GRID1: variants seen among roughly 807,000 people sequenced by gnomAD.
GRID1 encodes glutamate receptor ionotropic, delta-1.
Under a neutral mutation model 98.0 loss-of-function variants are expected in GRID1, and 28 were observed. The observed-to-expected ratio is 0.29, with a 90% CI of 0.21 to 0.39. The LOEUF (loss-of-function observed/expected upper bound fraction) is 0.39. GRID1 is among the 10% of genes least tolerant of loss of function. GRID1 has a pLI of 1.00. For missense variants in GRID1, 1,111 were observed against 1,340.5 expected (o/e 0.83, Z 2.67); for synonymous variants, 553 against 538.5 (o/e 1.03, Z -0.37).
intron 4 of GRID1, among the ~76,000 whole-genome samples, chr10:86,017,770 T>C (rs565075727): frequency 3.3e-4 from 50 of 152,306 alleles, no homozygotes; most frequent in African/African-American, 1.2e-3. Context: ...GTTCTGAGCA[T>C]GTTGCAGGTA....
At chr10:85,708,808 T>G (rs76864781) in intron 12 of GRID1, 5,041 of 154,418 alleles carry the variant, frequency 0.033, 126 homozygotes, top group Middle Eastern at 0.046. Context: ...GTTTCAGATA[T>G]TTTGGAGGAT....
intron 4 of GRID1, among the ~76,000 whole-genome samples, chr10:86,052,295 A>T (rs1001175794): frequency 4.6e-5 from 7 of 152,226 alleles, no homozygotes; most frequent in African/African-American, 1.7e-4. Flanking sequence ...CCTCTAAAAA[A>T]TTAATAATAT....
intron 5 of GRID1, among the ~76,000 whole-genome samples, chr10:85,873,410 T>C (rs1352200014): frequency 6.6e-6 from 1 of 152,260 alleles, no homozygotes; most frequent in Non-Finnish European, 1.5e-5. Flanking sequence ...CATACACAGA[T>C]GCTCACTGAG....
At chr10:85,660,882 T>C (rs1161914913) in intron 12 of GRID1, among the ~76,000 whole-genome samples, 2 of 152,074 alleles carry the variant, frequency 1.3e-5, no homozygotes, top group African/African-American at 4.8e-5. Flanking sequence ...CTCTACGTCT[T>C]GCTAGCTCTG....
At chr10:86,362,818 G>A (rs1408869480) in intron 2 of GRID1, among the ~76,000 whole-genome samples, 1 of 152,246 alleles carries the variant, frequency 6.6e-6, no homozygotes, top group African/African-American at 2.4e-5. Context: ...AGGACTCTCG[G>A]CTCAACGGGC....
intron 4 of GRID1, among the ~76,000 whole-genome samples, chr10:85,921,151 T>G (rs7897266): frequency 0.13 from 20,131 of 152,234 alleles, 1,544 homozygotes; most frequent in East Asian, 0.22. Context: ...ATGGTGGTAC[T>G]GGCACATGAG....
intron 4 of GRID1, among the ~76,000 whole-genome samples, chr10:86,031,900 G>A (rs1189940330): frequency 6.6e-6 from 1 of 152,108 alleles, no homozygotes; most frequent in Non-Finnish European, 1.5e-5. Flanking sequence ...TGTTCCCTCT[G>A]CCTAAATGTT....
At chr10:85,742,088 T>G (rs565742442) in intron 8 of GRID1, among the ~76,000 whole-genome samples, 4 of 152,358 alleles carry the variant, frequency 2.6e-5, no homozygotes, top group Admixed American at 6.5e-5. Context: ...ATATTGAAAC[T>G]GTGAAAAGCA....
chr10:85,635,368 A>T (rs1426180862), intron 13 of GRID1, among the ~76,000 whole-genome samples: 1 of 152,154 alleles, frequency 6.6e-6, no homozygotes, highest in Non-Finnish European at 1.5e-5. Context: ...AACTGGCTCT[A>T]GTAAGACTGA....
At chr10:85,834,943 CA>C (rs200665644) in intron 8 of GRID1, among the ~76,000 whole-genome samples, 2 of 149,718 alleles carry the variant, frequency 1.3e-5, no homozygotes, top group East Asian at 2.0e-4. Context: ...ATGCTGTTTG[CA>C]AAAAAAAAGT....
At chr10:86,314,897 A>T (rs1847877906) in intron 2 of GRID1, among the ~76,000 whole-genome samples, 1 of 152,158 alleles carries the variant, frequency 6.6e-6, no homozygotes, top group African/African-American at 2.4e-5. Context: ...TCACAGAGCC[A>T]CCAAGGCTTT....
At chr10:85,940,423 C>T (rs1312336740) in intron 4 of GRID1, among the ~76,000 whole-genome samples, 1 of 152,142 alleles carries the variant, frequency 6.6e-6, no homozygotes, top group Non-Finnish European at 1.5e-5. Flanking sequence ...TGCAGACCCC[C>T]AGAGCTGCTG....
At chr10:85,909,376 T>C (rs1241727158) in intron 5 of GRID1, among the ~76,000 whole-genome samples, 1 of 152,136 alleles carries the variant, frequency 6.6e-6, no homozygotes, top group African/African-American at 2.4e-5. Context: ...ACCATAGGGG[T>C]TGGCAATTCC....
At chr10:86,287,629 C>T (rs563038957) in intron 2 of GRID1, among the ~76,000 whole-genome samples, 2 of 152,194 alleles carry the variant, frequency 1.3e-5, no homozygotes, top group Non-Finnish European at 2.9e-5. Flanking sequence ...CAGGAGAGGG[C>T]TGGTTGTGCC....
intron 4 of GRID1, among the ~76,000 whole-genome samples, chr10:86,082,414 AG>A: frequency 6.6e-6 from 1 of 152,240 alleles, no homozygotes; most frequent in Middle Eastern, 3.4e-3. Flanking sequence ...CAGAGCAGGG[AG>A]GGAGTTGGGT....
At chr10:85,730,473 C>A (rs1841810221) in intron 8 of GRID1, among the ~76,000 whole-genome samples, 1 of 152,192 alleles carries the variant, frequency 6.6e-6, no homozygotes, top group South Asian at 2.1e-4. Context: ...AAATCAGGAT[C>A]TCAGGGCCTG....
chr10:85,856,338 A>G (rs764348155), intron 6 of GRID1, 148 bp from the exon 7 acceptor site: 2 of 688,904 alleles, frequency 2.9e-6, no homozygotes, highest in Non-Finnish European at 2.4e-6. Flanking sequence ...TTTTAGGTGT[A>G]CTTTCAAAAA....
At chr10:85,923,381 G>C (rs1023946974) in intron 4 of GRID1, among the ~76,000 whole-genome samples, 1 of 152,176 alleles carries the variant, frequency 6.6e-6, no homozygotes, top group Non-Finnish European at 1.5e-5. Flanking sequence ...CTAAACCACA[G>C]CTCTGGGGGA....
intron 4 of GRID1, among the ~76,000 whole-genome samples, chr10:86,039,366 C>T (rs1208765303): frequency 6.6e-6 from 1 of 152,208 alleles, no homozygotes; most frequent in Non-Finnish European, 1.5e-5. Flanking sequence ...CCTCTTCACC[C>T]TTCAAAACCC....
Sources: gnomAD v4.1 joint callset for allele counts (sites outside exome capture counted in the v4.1 genomes callset) on GRCh38, gnomAD v4.1.1 for gene constraint, MANE v1.5 for transcripts, NCBI Gene and HGNC (gene_info 2026-07-23, HGNC 2026-07-21) for gene names.